SPINK6: variants seen among roughly 807,000 people sequenced by gnomAD.
The protein encoded by SPINK6 is serine peptidase inhibitor Kazal type 6, also known as serine protease inhibitor Kazal-type 6.
In SPINK6, 13 loss-of-function variants were observed where a neutral mutation model predicts 11.7. That is an observed-to-expected ratio of 1.11 (90% confidence interval 0.72 to 1.76). SPINK6 has a LOEUF of 1.76. Ranked by LOEUF, SPINK6 falls within the 40% of genes most tolerant of loss-of-function variation. SPINK6 has a pLI of 0.00. For missense variants in SPINK6, 98 were observed against 93.7 expected, an observed-to-expected ratio of 1.05 and a Z score of -0.19; for synonymous variants, 21 against 31.9, an observed-to-expected ratio of 0.66 and a Z score of 1.15.
intron 2 of SPINK6, among the ~76,000 whole-genome samples, chr5:148,207,643 TAACATGGTGA>T (rs1355721691): frequency 6.6e-6 from 1 of 152,016 alleles, no homozygotes; most frequent in African/African-American, 2.4e-5. Flanking sequence ...CCAGCCTGGC[TAACATGGTGA>T]AACCCCATCT....
rs12186491 is a variant in SPINK6 at position 148,213,934 on chromosome 5, C to A, written c.106C>A (p.Pro36Thr). ...GQVDCGEFQD[P>T]KVYCTRESNP... ...GGTTGACTGTGGTGAGTTCCAGGAC[C>A]CCAAGGTCTACTGCACTCGGGAATC... The change falls in exon 3 of 4, where the codon CCC becomes ACC. Residue 36 changes from proline to threonine, a missense_variant. Transcript: ENST00000325630. 1,419,311 of 1,610,258 alleles carry A rather than the reference C, an allele frequency of 0.88. 638,726 individuals carry two copies. Among genetic ancestry groups the A allele is most frequent in the Non-Finnish European group, 0.93 (1,088,915 of 1,176,834 alleles).
rs748736652 is a variant in SPINK6 at position 148,211,582 on chromosome 5, T to A, written c.82-2328T>A. ...ATTAGGCATGACATGTGTTCCTTGT[T>A]GTTTCTTGGTTAAGAAAATTGAGGT... On this transcript the variant is annotated intron_variant, in intron 2 of 3. Transcript: ENST00000325630. Among the ~76,000 whole-genome samples the A allele has an allele frequency of 9.3e-4, 141 of 152,320 alleles. 1 individual carries two copies. Among genetic ancestry groups the A allele is most frequent in the Non-Finnish European group, 2.5e-4 (17 of 68,020 alleles).
chr5:148,214,466 T>C (rs1755656176), intron 3 of SPINK6, among the ~76,000 whole-genome samples: 2 of 152,196 alleles, frequency 1.3e-5, no homozygotes, highest in African/African-American at 4.8e-5. Flanking sequence ...AGTGGTGTAA[T>C]ATGAGATTTG....
intron 2 of SPINK6, among the ~76,000 whole-genome samples, chr5:148,210,083 T>C (rs550541590): frequency 8.8e-5 from 11 of 124,848 alleles, no homozygotes; most frequent in African/African-American, 2.6e-4. Flanking sequence ...CATATATGTA[T>C]GCATGTTTAC....
intron 1 of SPINK6, 50 bp downstream of exon 1, chr5:148,203,204 T>A: frequency 7.7e-7 from 1 of 1,306,520 alleles, no homozygotes; most frequent in Non-Finnish European, 1.1e-6. Flanking sequence ...GAACTGGATA[T>A]GATGAGTAGT....
intron 2 of SPINK6, among the ~76,000 whole-genome samples, chr5:148,209,995 C>CGTACGTACATACGT (rs1195584567): frequency 8.5e-6 from 1 of 117,416 alleles, no homozygotes; most frequent in African/African-American, 6.2e-5. Flanking sequence ...TATACATATA[C>CGTACGTACATACGT]ACGTATGTAT....
Position 148,206,020 on chromosome 5 carries a change from T to G in SPINK6, c.59-16T>G. 46 of 1,613,962 alleles carry G rather than the reference T, an allele frequency of 2.9e-5. No homozygotes were observed. Among genetic ancestry groups the G allele is most frequent in the Non-Finnish European group, 3.9e-5 (46 of 1,179,864 alleles). On this transcript the variant is annotated splice_polypyrimidine_tract_variant and intron_variant, in intron 1 of 3. Coordinates refer to ENST00000325630, the MANE Select transcript of SPINK6 (RefSeq NM_205841.4). ...TCAATGAATTACAGTGTTTGAATGT[T>G]GTGCTTTTCTTTCAGGTGTCTTCAG...
At position 148,215,033 on chromosome 5, in the gene SPINK6, C is replaced by A; in HGVS notation, c.*83C>A. The A allele has an allele frequency of 7.3e-7, 1 of 1,365,808 alleles. No homozygotes were observed. Among genetic ancestry groups the A allele is most frequent in the Non-Finnish European group, 1.0e-6 (1 of 959,860 alleles). The allele number at this position is 1,365,808 out of a possible 1,614,324, so 84.6% of individuals were successfully genotyped here. A position where few individuals can be genotyped will look rare whatever the true frequency, so the allele number is the denominator to read the frequency against. On this transcript the variant is annotated 3_prime_UTR_variant, in exon 4 of 4. Coordinates refer to ENST00000325630, the MANE Select transcript of SPINK6 (RefSeq NM_205841.4). ...CTGCTTATACTTTTGCTGGTGGATT[C>A]CTTTAATTCATAAAGACATACCTAC...
At chr5:148,209,969 T>TACGTATGTATATATACATACAC (rs1561732069) in intron 2 of SPINK6, among the ~76,000 whole-genome samples, 1 of 126,608 alleles carries the variant, frequency 7.9e-6, no homozygotes. Context: ...TATACATACA[T>TACGTATGTATATATACATACAC]ACGTACGTAT....
intron 2 of SPINK6, among the ~76,000 whole-genome samples, chr5:148,208,216 CCTAA>C (rs750841060): frequency 3.2e-4 from 49 of 152,206 alleles, no homozygotes; most frequent in African/African-American, 8.9e-4. Context: ...CCCTTCCTGC[CCTAA>C]CTGTCTGAAT....
intron 2 of SPINK6, among the ~76,000 whole-genome samples, chr5:148,206,436 T>C (rs537050287): frequency 6.6e-6 from 1 of 152,288 alleles, no homozygotes; most frequent in African/African-American, 2.4e-5. Context: ...ATTTAAATTA[T>C]TTAAACAATG....
chr5:148,210,400 C>G (rs1272951618), intron 2 of SPINK6, among the ~76,000 whole-genome samples: 1 of 149,222 alleles, frequency 6.7e-6, no homozygotes, highest in African/African-American at 2.4e-5. Flanking sequence ...GTATGTGTTT[C>G]TGCATACATA....
chr5:148,211,897 G>A (rs1755603389), intron 2 of SPINK6, among the ~76,000 whole-genome samples: 1 of 152,072 alleles, frequency 6.6e-6, no homozygotes, highest in Admixed American at 6.6e-5. Context: ...GAAAGTAGCT[G>A]GAATATTTTG....
intron 2 of SPINK6, among the ~76,000 whole-genome samples, chr5:148,211,144 CAGAG>C (rs148556823): frequency 0.12 from 18,069 of 151,958 alleles, 3,257 homozygotes; most frequent in African/African-American, 0.39. Context: ...CCCTGGGGCC[CAGAG>C]AGAGTGGTCC....
At chr5:148,212,975 TG>T (rs1755632502) in intron 2 of SPINK6, among the ~76,000 whole-genome samples, 1 of 148,890 alleles carries the variant, frequency 6.7e-6, no homozygotes, top group Non-Finnish European at 1.5e-5. Context: ...TTAGTTTATG[TG>T]TATATAAGTG....
chr5:148,208,133 T>C (rs1397834791), intron 2 of SPINK6, among the ~76,000 whole-genome samples: 1 of 152,112 alleles, frequency 6.6e-6, no homozygotes, highest in African/African-American at 2.4e-5. Context: ...ACTTGAAAAA[T>C]GTGGTTTCCC....
intron 1 of SPINK6, among the ~76,000 whole-genome samples, chr5:148,204,326 G>A (rs545901815): frequency 1.3e-5 from 2 of 151,834 alleles, no homozygotes; most frequent in East Asian, 3.9e-4. Flanking sequence ...TTGCTGAGAT[G>A]GCAGAAAAAT....
intron 2 of SPINK6, among the ~76,000 whole-genome samples, chr5:148,210,769 G>A (rs999420767): frequency 2.0e-5 from 3 of 152,054 alleles, no homozygotes; most frequent in African/African-American, 7.2e-5. Context: ...AGTAGCATAT[G>A]TCATGAGGAA....
At chr5:148,209,782 A>C (rs1450528524) in intron 2 of SPINK6, among the ~76,000 whole-genome samples, 1 of 152,082 alleles carries the variant, frequency 6.6e-6, no homozygotes, top group Admixed American at 6.6e-5. Context: ...AATAAATGGC[A>C]ATGTTTCCAT....
Sources: allele counts gnomAD v4.1 joint callset (sites outside exome capture counted in the v4.1 genomes callset), GRCh38; gene constraint gnomAD v4.1.1; transcripts MANE v1.5; gene names NCBI Gene and HGNC (gene_info 2026-07-23, HGNC 2026-07-21).